The following KIF26B variants were observed in gnomAD, a reference collection of about 807,000 sequenced individuals.
KIF26B encodes kinesin family member 26B.
KIF26B carries 63 observed loss-of-function variants against 151.2 expected under a neutral mutation model. The observed-to-expected ratio is 0.42, with a 90% CI of 0.34 to 0.51. The LOEUF is 0.51. Among genes scored for constraint, KIF26B ranks in the 20% least tolerant of loss-of-function variants. The pLI is 0.07. For synonymous variants in KIF26B, 1,357 were observed against 1,262.1 expected, an observed-to-expected ratio of 1.08 and a Z score of -1.59; for missense variants, 2,813 against 2,913.6, an observed-to-expected ratio of 0.97 and a Z score of 0.79.
At chr1:245,355,607 AAAAAAG>A (rs201783207) in intron 2 of KIF26B, among the ~76,000 whole-genome samples, 12,496 of 149,228 alleles carry the variant, frequency 0.084, 1,683 homozygotes, top group African/African-American at 0.3. Context: ...AAAAAAAAAA[AAAAAAG>A]AAGAAGAAGA....
chr1:245,349,238 T>G (rs1221280153), intron 2 of KIF26B, among the ~76,000 whole-genome samples: 7 of 152,180 alleles, frequency 4.6e-5, no homozygotes, highest in Non-Finnish European at 1.5e-5. Context: ...AAAGTAAATT[T>G]CTTTGATTGT....
At chr1:245,181,862 T>TGCTAATGCTA (rs1182368658) in intron 2 of KIF26B, among the ~76,000 whole-genome samples, 2 of 152,138 alleles carry the variant, frequency 1.3e-5, no homozygotes, top group African/African-American at 2.4e-5. Flanking sequence ...CTGGCGACCG[T>TGCTAATGCTA]GCTAATGCTA....
chr1:245,222,062 C>T (rs561057418), intron 2 of KIF26B, among the ~76,000 whole-genome samples: 1 of 152,332 alleles, frequency 6.6e-6, no homozygotes, highest in African/African-American at 2.4e-5. Context: ...ATTCTCAGTT[C>T]TTTTATCTGT....
chr1:245,654,633 C>T (rs2044054219), intron 10 of KIF26B, among the ~76,000 whole-genome samples: 1 of 152,240 alleles, frequency 6.6e-6, no homozygotes, highest in Non-Finnish European at 1.5e-5. Flanking sequence ...CAGGCTTTCT[C>T]TGGCTCCAGG....
chr1:245,349,689 A>G (rs943229751), intron 2 of KIF26B, among the ~76,000 whole-genome samples: 1 of 152,168 alleles, frequency 6.6e-6, no homozygotes, highest in African/African-American at 2.4e-5. Flanking sequence ...GGCCAGGCAT[A>G]GTTAACAATA....
Position 245,684,260 on chromosome 1 carries a change from G to A in KIF26B, c.2286G>A (p.Arg762=). 1.9e-6 allele frequency: 3 copies of A among 1,613,718 alleles called. No individual in the cohort carries two copies. Among genetic ancestry groups the A allele is most frequent in the Middle Eastern group, 1.7e-4 (1 of 6,060 alleles). The change falls in exon 11 of 15, where the codon CGG becomes CGA. Residue 762 remains arginine (R), a synonymous_variant. Transcript: ENST00000407071. The part of the protein sequence containing the change: ...YKESKLAMLL[R]ESLGNMNCRT... ...AGAGCAAGCTCGCCATGTTGCTGCG[G>A]GAGTCTCTGGGGAACATGAACTGCC... is the stretch of plus-strand genomic sequence containing the variant.
intron 5 of KIF26B, among the ~76,000 whole-genome samples, chr1:245,562,102 A>G (rs1206504820): frequency 1.3e-5 from 2 of 152,080 alleles, no homozygotes; most frequent in African/African-American, 2.4e-5. Flanking sequence ...CTCCAGCCGT[A>G]CTTTGTCTCC....
rs1461975557 is a variant in KIF26B at position 245,512,723 on chromosome 1, G to A, written c.1167-28044G>A. Among the ~76,000 whole-genome samples, 1 of 152,138 alleles carries A rather than the reference G, an allele frequency of 6.6e-6. No individual in the cohort carries two copies. Among genetic ancestry groups the A allele is most frequent in the Non-Finnish European group, 1.5e-5 (1 of 68,026 alleles). ...CACATGTTGGCAGCATCATGTGAGC[G>A]CCTCTCTGCACATAAAGTGGTTGTA... On this transcript the variant is annotated intron_variant, in intron 4 of 14. Transcript: ENST00000407071. This position sits in a 1 kb window ranked among gnomAD's most constrained non-coding sequence, Gnocchi z 4.3.
intron 2 of KIF26B, among the ~76,000 whole-genome samples, chr1:245,266,331 TAC>T (rs1172116414): frequency 1.3e-5 from 2 of 152,200 alleles, no homozygotes; most frequent in Non-Finnish European, 2.9e-5. Flanking sequence ...GAAATTCTCA[TAC>T]ACAGCTGGCA....
intron 2 of KIF26B, among the ~76,000 whole-genome samples, chr1:245,298,176 C>T (rs1369586621): frequency 6.6e-6 from 1 of 152,142 alleles, no homozygotes; most frequent in Non-Finnish European, 1.5e-5. Flanking sequence ...CATGAGCCAC[C>T]GCGCCCAGCC....
chr1:245,527,183 G>A (rs1484551947), intron 4 of KIF26B, among the ~76,000 whole-genome samples: 2 of 152,156 alleles, frequency 1.3e-5, no homozygotes, highest in Admixed American at 6.5e-5. Flanking sequence ...AGATTCCTTC[G>A]ATTCTTGAAA....
chr1:245,260,360 CAGGTGCTTGG>C (rs1670611082), intron 2 of KIF26B, among the ~76,000 whole-genome samples: 1 of 152,170 alleles, frequency 6.6e-6, no homozygotes, highest in South Asian at 2.1e-4. Flanking sequence ...GCACCCATGG[CAGGTGCTTGG>C]AGGTTTATCC....
intron 2 of KIF26B, among the ~76,000 whole-genome samples, chr1:245,187,855 G>A (rs1669026087): frequency 6.6e-6 from 1 of 152,132 alleles, no homozygotes; most frequent in East Asian, 1.9e-4. Flanking sequence ...CAAAGGATGT[G>A]GAATTCATGT....
chr1:245,655,012 G>A (rs1204113817), intron 10 of KIF26B, among the ~76,000 whole-genome samples: 1 of 152,224 alleles, frequency 6.6e-6, no homozygotes, highest in Non-Finnish European at 1.5e-5. Flanking sequence ...CCTCTCAGCT[G>A]GAATTTGTGA....
chr1:245,292,605 A>G (rs1671273522), intron 2 of KIF26B, among the ~76,000 whole-genome samples: 1 of 152,178 alleles, frequency 6.6e-6, no homozygotes, highest in African/African-American at 2.4e-5. Context: ...GTGGTAACTC[A>G]GCAACACCTT....
rs2044523929 is a variant in KIF26B, at chr1:245,686,560, G to C, written c.3577G>C (p.Val1193Leu). ...NGEDELVFTLVEELTISGVLD... is the reference protein window; with the variant it reads ...NGEDELVFTLLEELTISGVLD... ...TGAGGACGAGCTGGTGTTCACGCTG[G>C]TGGAGGAGCTGACCATCAGCGGGGT... Residue 1193 changes from valine to leucine, a missense_variant, in exon 12 of 15, where the codon GTG (valine) becomes CTG (leucine). Coordinates refer to ENST00000407071, the MANE Select transcript of KIF26B (RefSeq NM_018012.4). This position sits in a 1 kb window ranked among gnomAD's most constrained non-coding sequence, Gnocchi z 5.6. 6.2e-7 allele frequency: 1 copy of C among 1,613,012 alleles called. No homozygotes were observed. The highest frequency in any genetic ancestry group is 1.7e-5 in the Admixed American group (1 of 60,004).
intron 10 of KIF26B, among the ~76,000 whole-genome samples, chr1:245,681,213 C>T (rs1340537292): frequency 1.4e-5 from 2 of 141,252 alleles, no homozygotes; most frequent in African/African-American, 2.6e-5. Context: ...GTTTTCTTTT[C>T]TTTTTTTTTT....
In KIF26B at chr1:245,663,750, A is replaced by G. The variant is rs145382960; in HGVS notation, c.2258+17470A>G. ...GCGTGCAAACCTGCATGTAATTCAG[A>G]CCAGGGTTCGCAATTCTCAGGACAG... On this transcript the variant is annotated intron_variant, in intron 10 of 14. Transcript: ENST00000407071. 6.7e-3 allele frequency among the ~76,000 whole-genome samples: 1,025 copies of G among 152,196 alleles called. 3 individuals carry two copies. The highest frequency in any genetic ancestry group is 0.012 in the Non-Finnish European group (799 of 68,018).
Position 245,418,159 on chromosome 1 carries a change from G to A in KIF26B, c.1000-1420G>A, listed in dbSNP as rs113528291. 6.4e-3 allele frequency among the ~76,000 whole-genome samples: 973 copies of A among 152,260 alleles called. 9 individuals are homozygous for A. Among genetic ancestry groups the A allele is most frequent in the African/African-American group, 0.023 (939 of 41,554 alleles). The stretch of plus-strand genomic sequence containing the variant: ...TGCGCCCTCCAAGCTGCCCTGTTCC[G>A]CGGGGACAATAGCAGCCAGTGGACG... On this transcript the variant is annotated intron_variant, in intron 3 of 14. Coordinates refer to ENST00000407071, the MANE Select transcript of KIF26B (RefSeq NM_018012.4).
Sources: gnomAD v4.1 joint callset for allele counts (sites outside exome capture counted in the v4.1 genomes callset) on GRCh38, gnomAD v4.1.1 for gene constraint, Gnocchi (gnomAD v3.1) non-coding constraint, MANE v1.5 for transcripts, NCBI Gene and HGNC (gene_info 2026-07-23, HGNC 2026-07-21) for gene names.